SLC35F4: variants seen among roughly 807,000 people sequenced by gnomAD.
The protein encoded by SLC35F4 is chromosome 14 open reading frame 36.
A neutral mutation model predicts 44.2 loss-of-function variants in SLC35F4; 24 were observed. The observed-to-expected ratio is 0.54, with a 90% CI of 0.39 to 0.76. The LOEUF (loss-of-function observed/expected upper bound fraction) is 0.76, where lower values mean the gene tolerates loss of function less well. SLC35F4 is among the 30% of genes least tolerant of loss of function. The pLI is 0.00. For missense variants in SLC35F4, 562 were observed against 586.1 expected (o/e 0.96, Z 0.42); for synonymous variants, 238 against 223.6 (o/e 1.06, Z -0.57).
intron 1 of SLC35F4, among the ~76,000 whole-genome samples, chr14:57,937,447 T>C (rs1889818045): frequency 6.6e-6 from 1 of 151,328 alleles, no homozygotes; most frequent in Non-Finnish European, 1.5e-5. Flanking sequence ...GAAAGTAAAA[T>C]ACAGACTACA....
chr14:57,923,989 C>T (rs925043415), intron 1 of SLC35F4, among the ~76,000 whole-genome samples: 4 of 152,284 alleles, frequency 2.6e-5, no homozygotes, highest in African/African-American at 7.2e-5. Flanking sequence ...CTGTGCTGTT[C>T]TCATAATAGT....
At chr14:57,601,214 AATAATT>A (rs1269166230) in intron 1 of SLC35F4, among the ~76,000 whole-genome samples, 11 of 151,866 alleles carry the variant, frequency 7.2e-5, no homozygotes, top group African/African-American at 2.7e-4. Flanking sequence ...TATTATAAAT[AATAATT>A]ATATGTATAT....
chr14:57,931,085 C>T (rs1594633279), intron 1 of SLC35F4, among the ~76,000 whole-genome samples: 1 of 152,112 alleles, frequency 6.6e-6, no homozygotes, highest in Non-Finnish European at 1.5e-5. Flanking sequence ...TTTCACCTCC[C>T]TCATTTTACA....
At chr14:57,646,289 C>G (rs1594691495) in intron 1 of SLC35F4, among the ~76,000 whole-genome samples, 2 of 152,112 alleles carry the variant, frequency 1.3e-5, no homozygotes, top group African/African-American at 4.8e-5. Flanking sequence ...TAATTATTGT[C>G]TCAATTTCAG....
chr14:57,569,783 C>T lies in SLC35F4; in HGVS notation c.1126+5G>A, dbSNP rs1342143814. 1 of 1,585,702 alleles carries T rather than the reference C, an allele frequency of 6.3e-7. No individual in the cohort carries two copies. Among genetic ancestry groups the T allele is most frequent in the Non-Finnish European group, 8.5e-7 (1 of 1,169,810 alleles). ...GAATGGAAGGCAAAACCCGAGGCCA[C>T]TTACCCAGCCACAGCCCTGCCATCC... is the stretch of plus-strand genomic sequence containing the variant. On this transcript the variant is annotated splice_donor_5th_base_variant and intron_variant, in intron 6 of 7. Transcript: ENST00000556826.
intron 1 of SLC35F4, among the ~76,000 whole-genome samples, chr14:57,756,182 G>T (rs568242363): frequency 6.6e-6 from 1 of 152,230 alleles, no homozygotes; most frequent in South Asian, 2.1e-4. Flanking sequence ...TTTGATTAAA[G>T]CTTTTTTAAT....
chr14:57,887,680 TCA>T (rs1888678209), intron 1 of SLC35F4, among the ~76,000 whole-genome samples: 1 of 152,126 alleles, frequency 6.6e-6, no homozygotes, highest in Non-Finnish European at 1.5e-5. Context: ...GAGCTGCTGC[TCA>T]CAGAGTCCCA....
intron 1 of SLC35F4, 23 bp from the exon 2 acceptor site, chr14:57,594,147 A>G (rs747195147): frequency 1.2e-6 from 2 of 1,600,980 alleles, no homozygotes; most frequent in Non-Finnish European, 1.7e-6. Flanking sequence ...AGTTCACGCC[A>G]GTTTGAGAAC....
intron 1 of SLC35F4, among the ~76,000 whole-genome samples, chr14:57,935,613 A>T (rs984693029): frequency 1.4e-4 from 21 of 152,204 alleles, no homozygotes; most frequent in African/African-American, 4.8e-4. Flanking sequence ...AAAGACTGAG[A>T]ATAGGTGCTG....
intron 1 of SLC35F4, among the ~76,000 whole-genome samples, chr14:57,660,365 T>C (rs2074098964): frequency 8.5e-6 from 1 of 117,514 alleles, no homozygotes; most frequent in Non-Finnish European, 1.9e-5. Flanking sequence ...TTGACAGGCT[T>C]CTGCTGGATC....
chr14:57,939,920 G>C (rs916736157), intron 1 of SLC35F4, among the ~76,000 whole-genome samples: 4 of 152,184 alleles, frequency 2.6e-5, no homozygotes. Flanking sequence ...ATGGGTAAAT[G>C]GTAGCTGGGT....
chr14:57,873,775 C>A (rs1888341423), intron 1 of SLC35F4, among the ~76,000 whole-genome samples: 1 of 151,978 alleles, frequency 6.6e-6, no homozygotes, highest in Non-Finnish European at 1.5e-5. Context: ...CCCTGAAACC[C>A]TTTCCCAGAT....
At chr14:57,856,625 A>C (rs577938450) in intron 1 of SLC35F4, among the ~76,000 whole-genome samples, 19 of 152,082 alleles carry the variant, frequency 1.2e-4, no homozygotes, top group Non-Finnish European at 1.6e-4. Context: ...ATTTAGTATT[A>C]ACATAGACCT....
chr14:57,682,581 C>G (rs539677704), intron 1 of SLC35F4, among the ~76,000 whole-genome samples: 1 of 151,444 alleles, frequency 6.6e-6, no homozygotes, highest in South Asian at 2.1e-4. Context: ...GGCACATGTA[C>G]ACCTATGCAA....
intron 1 of SLC35F4, among the ~76,000 whole-genome samples, chr14:57,880,096 G>T (rs1228602691): frequency 1.9e-5 from 2 of 106,044 alleles, no homozygotes; most frequent in African/African-American, 3.6e-5. Context: ...AAGGAAGGAA[G>T]GAAGGAAGGA....
At chr14:57,803,255 C>A (rs1400951963) in intron 1 of SLC35F4, among the ~76,000 whole-genome samples, 1 of 152,014 alleles carries the variant, frequency 6.6e-6, no homozygotes, top group African/African-American at 2.4e-5. Context: ...AATCAAGCAC[C>A]CCTTCATGTT....
intron 1 of SLC35F4, among the ~76,000 whole-genome samples, chr14:57,785,860 G>A (rs1478664249): frequency 6.6e-6 from 1 of 152,154 alleles, no homozygotes; most frequent in Admixed American, 6.5e-5. Context: ...ACTCTGCAGG[G>A]AGAAGGAATT....
chr14:57,907,434 A>T (rs2141049099), intron 1 of SLC35F4, among the ~76,000 whole-genome samples: 1 of 152,278 alleles, frequency 6.6e-6, no homozygotes, highest in Admixed American at 6.5e-5. Context: ...GGGGAGAAGG[A>T]AACTATCCAC....
chr14:57,930,250 A>C (rs1443747591), intron 1 of SLC35F4, among the ~76,000 whole-genome samples: 1 of 152,230 alleles, frequency 6.6e-6, no homozygotes, highest in Admixed American at 6.5e-5. Flanking sequence ...AAGGAACTGC[A>C]TCAGTTTCAT....
Sources: gnomAD v4.1 joint callset for allele counts (sites outside exome capture counted in the v4.1 genomes callset) on GRCh38, gnomAD v4.1.1 for gene constraint, MANE v1.5 for transcripts, NCBI Gene and HGNC (gene_info 2026-07-23, HGNC 2026-07-21) for gene names.